Variants in GLUD1 observed in about 807,000 individuals in gnomAD.
GLUD1 encodes glutamate dehydrogenase 1.
A neutral mutation model predicts 56.0 loss-of-function variants in GLUD1; 22 were observed. That is an observed-to-expected ratio of 0.39 (90% CI 0.28 to 0.56). The LOEUF (loss-of-function observed/expected upper bound fraction) is 0.56. GLUD1 is among the 20% of genes least tolerant of loss of function. The pLI is 0.58. For synonymous variants in GLUD1, 223 were observed against 269.9 expected (o/e 0.83, Z 1.70); for missense variants, 451 against 732.0 (o/e 0.62, Z 4.43).
chr10:87,086,133 A>G (rs1841375744), intron 1 of GLUD1, among the ~76,000 whole-genome samples: 1 of 152,226 alleles, frequency 6.6e-6, no homozygotes, highest in African/African-American at 2.4e-5. Context: ...GGGAGGGGGA[A>G]GTGAGGCATG....
At chr10:87,059,345 C>T (rs946692565) in intron 9 of GLUD1, 72 bp from the exon 10 acceptor site, 1 of 1,447,760 alleles carries the variant, frequency 6.9e-7, no homozygotes, top group Non-Finnish European at 9.7e-7. Context: ...AACCTAAGAC[C>T]TTAATTTCAA....
chr10:87,090,049 C>T (rs1027673337), intron 1 of GLUD1, among the ~76,000 whole-genome samples: 2 of 152,072 alleles, frequency 1.3e-5, no homozygotes, highest in African/African-American at 2.4e-5. Flanking sequence ...TTATTACTTA[C>T]ATTGTAAAAG....
rs966682017 is a variant in GLUD1, at chr10:87,051,884, G to A, written c.1558-14C>T. On this transcript the variant is annotated splice_polypyrimidine_tract_variant and intron_variant, in intron 12 of 12. Coordinates refer to ENST00000277865, the MANE Select transcript of GLUD1 (RefSeq NM_005271.5). ...GCGCATAATTTGCTGAAATGAAAGA[G>A]AAAATGCAGTGAAGATGATCCTGAC... The A allele has an allele frequency of 8.1e-6, 13 of 1,613,946 alleles. No homozygotes were observed. The highest frequency in any genetic ancestry group is 1.1e-5 in the Non-Finnish European group (13 of 1,179,960).
At position 87,059,572 on chromosome 10, in the gene GLUD1, A is replaced by C. The variant is rs567904057; in HGVS notation, c.1279-299T>G. 3.9e-5 allele frequency among the ~76,000 whole-genome samples: 6 copies of C among 152,346 alleles called. No homozygotes were observed. In the East Asian group the frequency reaches 1.2e-3, roughly 29 times the overall value. On this transcript the variant is annotated intron_variant, in intron 9 of 12. Transcript: ENST00000277865. Reference sequence around the variant, plus strand: ...TACCAGAAGTTAGTTCTCAGACTAAATGGCTTGCCCACCAACCAGTTGGAC... The same window carrying C: ...TACCAGAAGTTAGTTCTCAGACTAACTGGCTTGCCCACCAACCAGTTGGAC...
intron 12 of GLUD1, among the ~76,000 whole-genome samples, chr10:87,052,603 G>A (rs1027490185): frequency 2.1e-5 from 3 of 144,406 alleles, no homozygotes; most frequent in African/African-American, 7.7e-5. Flanking sequence ...TTGGGAGGTG[G>A]AGGTTACAGT....
In GLUD1 at chr10:87,089,703, GC is replaced by G. The variant is rs1376218116; in HGVS notation, c.445+4621del. 1.1e-5 allele frequency: 11 copies of G among 979,178 alleles called. No individual in the cohort carries two copies. The East Asian group carries it at 6.8e-4, about 61-fold the overall frequency. 60.7% of individuals were successfully genotyped at this position (979,178 alleles called of 1,614,324 possible). On this transcript the variant is annotated intron_variant, in intron 1 of 12. Coordinates refer to ENST00000277865, the MANE Select transcript of GLUD1 (RefSeq NM_005271.5). ...AGTTTGTCTTCTTGTCCTTAATAAAGCCTTTCCTGCCTTTAACAGTAGTATT... is the reference window on the plus strand; with the variant it reads ...AGTTTGTCTTCTTGTCCTTAATAAAGCTTTCCTGCCTTTAACAGTAGTATT...
chr10:87,069,456 A>G (rs1168287017), intron 4 of GLUD1, among the ~76,000 whole-genome samples: 2 of 151,132 alleles, frequency 1.3e-5, no homozygotes, highest in Admixed American at 6.6e-5. Flanking sequence ...GGGGTGTTGC[A>G]GTGAGCCAAG....
chr10:87,064,858 G>A (rs572538072), intron 5 of GLUD1, among the ~76,000 whole-genome samples: 68 of 152,256 alleles, frequency 4.5e-4, no homozygotes, highest in Non-Finnish European at 7.1e-4. Context: ...CAGGCCTGGC[G>A]CCAACTGCCA....
chr10:87,093,601 T>C (rs1436259138), intron 1 of GLUD1, among the ~76,000 whole-genome samples: 1 of 152,232 alleles, frequency 6.6e-6, no homozygotes, highest in African/African-American at 2.4e-5. Context: ...AGCTATTTCA[T>C]TCCATTGGCT....
intron 4 of GLUD1, among the ~76,000 whole-genome samples, chr10:87,068,401 A>G (rs376071558): frequency 6.6e-6 from 1 of 152,252 alleles, no homozygotes; most frequent in Admixed American, 6.5e-5. Context: ...TTTGGAAGTT[A>G]GCTATGCACA....
At chr10:87,090,770 C>G (rs1841493108) in intron 1 of GLUD1, among the ~76,000 whole-genome samples, 1 of 152,194 alleles carries the variant, frequency 6.6e-6, no homozygotes, top group East Asian at 1.9e-4. Flanking sequence ...CACACAGCCA[C>G]TTAAAAATAT....
At chr10:87,093,699 T>G (rs1238972065) in intron 1 of GLUD1, among the ~76,000 whole-genome samples, 1 of 152,222 alleles carries the variant, frequency 6.6e-6, no homozygotes, top group Admixed American at 6.5e-5. Context: ...GCTTGTGATT[T>G]TTTTGTGTTT....
At position 87,059,249 on chromosome 10, in the gene GLUD1, C is replaced by G; in HGVS notation, c.1303G>C (p.Val435Leu). The G allele has an allele frequency of 1.2e-6, 2 of 1,613,556 alleles. No homozygotes were observed. Among genetic ancestry groups the G allele is most frequent in the Non-Finnish European group, 1.7e-6 (2 of 1,179,512 alleles). The change falls in exon 10 of 13, where the codon GTG becomes CTG. Residue 435 changes from valine (V) to leucine (L), a missense_variant. By Grantham distance (32) the Val-to-Leu change is conservative. Transcript: ENST00000277865. ...AGCCACTCAAAGTAAGATACTGTCA[C>G]TCCTCCAGCATTCAAGTAGAGATCC... is the stretch of plus-strand genomic sequence containing the variant. ...IPDLYLNAGG[V>L]TVSYFEWLKN...
intron 11 of GLUD1, among the ~76,000 whole-genome samples, chr10:87,054,788 G>A (rs190094064): frequency 8.5e-4 from 130 of 152,330 alleles, no homozygotes; most frequent in African/African-American, 2.8e-3. Context: ...TGCTGATGTA[G>A]GAGAGAGGAG....
At chr10:87,091,166 A>C (rs753758012) in intron 1 of GLUD1, among the ~76,000 whole-genome samples, 7 of 152,188 alleles carry the variant, frequency 4.6e-5, no homozygotes, top group Non-Finnish European at 1.0e-4. Context: ...CTATATGTAA[A>C]TTATGATAAT....
At chr10:87,080,273 G>C (rs1841181824) in intron 1 of GLUD1, among the ~76,000 whole-genome samples, 1 of 151,964 alleles carries the variant, frequency 6.6e-6, no homozygotes, top group African/African-American at 2.4e-5. Flanking sequence ...GCAGTGGCGT[G>C]ATCTCGGCTC....
intron 5 of GLUD1, among the ~76,000 whole-genome samples, chr10:87,067,547 C>G (rs1846111897): frequency 6.6e-6 from 1 of 152,166 alleles, no homozygotes; most frequent in East Asian, 1.9e-4. Flanking sequence ...TTTCTATTAC[C>G]TTTATAAATA....
chr10:87,080,953 C>T (rs183514059), intron 1 of GLUD1, among the ~76,000 whole-genome samples: 6,992 of 145,358 alleles, frequency 0.048, 351 homozygotes, highest in African/African-American at 0.13. Flanking sequence ...CCCAGCCAGC[C>T]GCTCCGAGAG....
In GLUD1 at chr10:87,050,798, C is replaced by T. The variant is rs963477277; in HGVS notation, c.*953G>A. ...AGGGGCCATTGGCAATGCTCAGAGCCAGCCAGACTCCAAACAGGGAGCCCA... is the reference window on the plus strand; with the variant it reads ...AGGGGCCATTGGCAATGCTCAGAGCTAGCCAGACTCCAAACAGGGAGCCCA... On this transcript the variant is annotated 3_prime_UTR_variant, in exon 13 of 13. Coordinates refer to ENST00000277865, the MANE Select transcript of GLUD1 (RefSeq NM_005271.5). 1.3e-5 allele frequency: 2 copies of T among 152,168 alleles called. No homozygotes were observed. The highest frequency in any genetic ancestry group is 4.8e-5 in the African/African-American group (2 of 41,448). The allele number at this position is 152,168 out of a possible 1,614,324, so 9.4% of individuals were successfully genotyped here.
Sources: allele counts gnomAD v4.1 joint callset (sites outside exome capture counted in the v4.1 genomes callset), GRCh38; gene constraint gnomAD v4.1.1; transcripts MANE v1.5; gene names NCBI Gene and HGNC (gene_info 2026-07-23, HGNC 2026-07-21).